TRMT9B: variants seen among roughly 807,000 people sequenced by gnomAD.
TRMT9B encodes the protein tRNA methyltransferase 9B (putative), also known as probable tRNA methyltransferase 9B.
Under a neutral mutation model 11.5 loss-of-function variants are expected in TRMT9B, and 16 were observed. The ratio of observed to expected loss-of-function variants is 1.39; its 90% confidence interval spans 0.94 to 2.11. TRMT9B has a LOEUF of 2.11. Among genes scored for constraint, TRMT9B ranks in the 30% most tolerant of loss-of-function variants. The pLI is 0.00. For synonymous variants in TRMT9B, 274 were observed against 192.4 expected, an observed-to-expected ratio of 1.42 and a Z score of -3.51; for missense variants, 941 against 553.8, an observed-to-expected ratio of 1.70 and a Z score of -7.02.
At chr8:12,978,840 C>G (rs1169484245) in intron 1 of TRMT9B, among the ~76,000 whole-genome samples, 1 of 152,316 alleles carries the variant, frequency 6.6e-6, no homozygotes, top group East Asian at 1.9e-4. Flanking sequence ...CCCTGGTAAG[C>G]TCACCCATGT....
At position 13,024,041 on chromosome 8, in the gene TRMT9B, C is replaced by CTTTTTTTTTTTTTTTTT. The variant is rs33910775; in HGVS notation, c.*2001_*2017dup. ...AAAATTAATTTGGTTTCTTCTATTTCTTTTTTTTTTTTTTTTTTTTGAGAC... is the reference window on the plus strand; with the variant it reads ...AAAATTAATTTGGTTTCTTCTATTTCTTTTTTTTTTTTTTTTTTTTTTTTTTTTTTTTTTTTTGAGAC... On this transcript the variant is annotated 3_prime_UTR_variant, in exon 5 of 5. Coordinates refer to ENST00000524591, the MANE Select transcript of TRMT9B (RefSeq NM_020844.3). 1 of 114,600 alleles carries CTTTTTTTTTTTTTTTTT rather than the reference C, an allele frequency of 8.7e-6. No individual in the cohort carries two copies. Among genetic ancestry groups the CTTTTTTTTTTTTTTTTT allele is most frequent in the Non-Finnish European group, 1.7e-5 (1 of 57,636 alleles). 7.1% of individuals were successfully genotyped at this position (114,600 alleles called of 1,614,324 possible).
At chr8:13,000,851 A>C (rs1809300473) in intron 2 of TRMT9B, among the ~76,000 whole-genome samples, 1 of 152,186 alleles carries the variant, frequency 6.6e-6, no homozygotes. Context: ...AAGTGAGTTC[A>C]AGTGAAGAAT....
chr8:13,018,968 T>C (rs1314081672), intron 4 of TRMT9B, among the ~76,000 whole-genome samples: 2 of 152,156 alleles, frequency 1.3e-5, no homozygotes, highest in South Asian at 2.1e-4. Flanking sequence ...GATTACAGTA[T>C]TAGAGTTGAA....
At chr8:12,953,140 T>C (rs1800852066) in intron 1 of TRMT9B, among the ~76,000 whole-genome samples, 1 of 152,204 alleles carries the variant, frequency 6.6e-6, no homozygotes, top group Non-Finnish European at 1.5e-5. Flanking sequence ...TGCAGAGCTT[T>C]ATGTTAGGTG....
intron 1 of TRMT9B, among the ~76,000 whole-genome samples, chr8:12,947,344 G>A (rs925092051): frequency 6.6e-6 from 1 of 152,186 alleles, no homozygotes; most frequent in South Asian, 2.1e-4. Context: ...TATGCATCAA[G>A]ATGTTATCAT....
At chr8:12,966,156 C>CA in intron 1 of TRMT9B, among the ~76,000 whole-genome samples, 1 of 151,942 alleles carries the variant, frequency 6.6e-6, no homozygotes, top group South Asian at 2.1e-4. Flanking sequence ...TAAGACCCCC[C>CA]CCATCTCTAC....
At chr8:12,957,775 A>G (rs1450729846) in intron 1 of TRMT9B, among the ~76,000 whole-genome samples, 1 of 152,228 alleles carries the variant, frequency 6.6e-6, no homozygotes, top group Non-Finnish European at 1.5e-5. Context: ...TAAAATATGC[A>G]TAGAATTTTG....
At chr8:12,960,035 G>C (rs1585087951) in intron 1 of TRMT9B, 1 of 152,194 alleles carries the variant, frequency 6.6e-6, no homozygotes, top group South Asian at 2.1e-4. Context: ...CTTTATGGAA[G>C]TGGAGACATC....
At chr8:12,948,097 A>T (rs1443314128) in intron 1 of TRMT9B, among the ~76,000 whole-genome samples, 1 of 152,194 alleles carries the variant, frequency 6.6e-6, no homozygotes, top group Non-Finnish European at 1.5e-5. Flanking sequence ...ACCCATTGTA[A>T]ATGGAAAGTG....
rs1158565346 is a variant in TRMT9B at position 13,028,143 on chromosome 8, T to A, written c.*6099T>A. On this transcript the variant is annotated 3_prime_UTR_variant, in exon 5 of 5. Transcript: ENST00000524591. ...TATGACACATTAACAGGGGTGTGAA[T>A]CATTTCAGTTACATCACATACTCTG... The A allele has an allele frequency of 3.6e-5, 6 of 167,066 alleles. No homozygotes were observed. The allele number at this position is 167,066 out of a possible 1,614,324, so 10.3% of individuals were successfully genotyped here.
chr8:12,982,537 T>C (rs1348626538), intron 1 of TRMT9B, among the ~76,000 whole-genome samples: 1 of 152,056 alleles, frequency 6.6e-6, no homozygotes, highest in Non-Finnish European at 1.5e-5. Flanking sequence ...TGGCACATGC[T>C]TGTAATCGCA....
intron 3 of TRMT9B, among the ~76,000 whole-genome samples, chr8:13,008,763 C>G (rs1007880842): frequency 3.3e-5 from 5 of 152,122 alleles, no homozygotes; most frequent in East Asian, 1.9e-4. Flanking sequence ...GAGTCTTGCT[C>G]TGTTGCCCAG....
At chr8:13,004,995 C>G (rs189798323) in intron 2 of TRMT9B, among the ~76,000 whole-genome samples, 1 of 151,264 alleles carries the variant, frequency 6.6e-6, no homozygotes, top group East Asian at 2.0e-4. Context: ...TAGACCTGCC[C>G]ACGGCCTGGG....
chr8:13,019,264 T>C (rs1208917511), intron 4 of TRMT9B, among the ~76,000 whole-genome samples: 1 of 152,178 alleles, frequency 6.6e-6, no homozygotes, highest in Non-Finnish European at 1.5e-5. Context: ...TACATACATA[T>C]GGGAGATACA....
intron 1 of TRMT9B, among the ~76,000 whole-genome samples, chr8:12,986,272 G>C (rs141395242): frequency 6.6e-6 from 1 of 151,886 alleles, no homozygotes; most frequent in Non-Finnish European, 1.5e-5. Flanking sequence ...ACCTCCTGTC[G>C]CATTTCCTCT....
At chr8:13,017,475 A>G (rs2128899242) in intron 4 of TRMT9B, among the ~76,000 whole-genome samples, 1 of 152,346 alleles carries the variant, frequency 6.6e-6, no homozygotes, top group South Asian at 2.1e-4. Flanking sequence ...AAAATTCAAC[A>G]TAGTTTCCAG....
rs1814209342 is a variant in TRMT9B, at chr8:13,023,067, C to G, written c.*1023C>G. ...GGTAGTAGGAGTTATATGCAAGTAC[C>G]CAAGTGGTATTCTTCCAATCTTATT... On this transcript the variant is annotated 3_prime_UTR_variant, in exon 5 of 5. Transcript: ENST00000524591. 6.0e-6 allele frequency: 1 copy of G among 166,958 alleles called. No individual in the cohort carries two copies. The highest frequency in any genetic ancestry group is 1.5e-5 in the Non-Finnish European group (1 of 68,098). The allele number at this position is 166,958 out of a possible 1,614,324, so 10.3% of individuals were successfully genotyped here.
intron 2 of TRMT9B, among the ~76,000 whole-genome samples, chr8:12,993,296 T>C (rs182031942): frequency 1.3e-5 from 2 of 152,302 alleles, no homozygotes; most frequent in African/African-American, 4.8e-5. Context: ...AAATTAACCC[T>C]GCACTGCCAT....
intron 1 of TRMT9B, among the ~76,000 whole-genome samples, chr8:12,977,200 G>T (rs1288136047): frequency 6.6e-6 from 1 of 152,194 alleles, no homozygotes; most frequent in Non-Finnish European, 1.5e-5. Context: ...TGATTCCCTT[G>T]AAGCTTTGCA....
Sources: gnomAD v4.1 joint callset for allele counts (sites outside exome capture counted in the v4.1 genomes callset) on GRCh38, gnomAD v4.1.1 for gene constraint, MANE v1.5 for transcripts, NCBI Gene and HGNC (gene_info 2026-07-23, HGNC 2026-07-21) for gene names.